The following ABCC1 variants were observed in gnomAD, a reference collection of about 807,000 sequenced individuals.
The protein encoded by ABCC1 is multidrug resistance-associated protein 1.
ABCC1 carries 83 observed loss-of-function variants against 172.9 expected under a neutral mutation model. That is an observed-to-expected ratio of 0.48 (90% CI 0.40 to 0.58). The LOEUF (loss-of-function observed/expected upper bound fraction) is 0.58. Among genes scored for constraint, ABCC1 ranks in the 20% least tolerant of loss-of-function variants. The pLI, the probability that ABCC1 is intolerant of heterozygous loss-of-function variation, is 0.00. For synonymous variants in ABCC1, 937 were observed against 825.2 expected (o/e 1.14, Z -2.32); for missense variants, 1,817 against 2,002.7 (o/e 0.91, Z 1.77).
chr16:16,072,385 A>T (rs2050382707), intron 14 of ABCC1, among the ~76,000 whole-genome samples: 3 of 151,496 alleles, frequency 2.0e-5, no homozygotes, highest in Admixed American at 1.3e-4. Flanking sequence ...GGGTTTCACC[A>T]TGTTGTCCAG....
intron 10 of ABCC1, among the ~76,000 whole-genome samples, chr16:16,052,346 T>C (rs2049464555): frequency 6.6e-6 from 1 of 151,978 alleles, no homozygotes; most frequent in Non-Finnish European, 1.5e-5. Flanking sequence ...TAGTCCCAGC[T>C]ACTTTGGAGG....
At chr16:16,109,772 T>G (rs2052306660) in intron 21 of ABCC1, among the ~76,000 whole-genome samples, 1 of 152,132 alleles carries the variant, frequency 6.6e-6, no homozygotes, top group African/African-American at 2.4e-5. Context: ...TGAAAAGAGT[T>G]GGAGGAGGCT....
chr16:16,082,593 T>G (rs1296280899), intron 16 of ABCC1, among the ~76,000 whole-genome samples: 1 of 152,216 alleles, frequency 6.6e-6, no homozygotes, highest in Non-Finnish European at 1.5e-5. Flanking sequence ...TGCTTCAATT[T>G]TTAGCAAGGA....
rs80005024 is a variant in ABCC1, at chr16:15,990,479, C to T, written c.49-17337C>T. 7.9e-3 allele frequency among the ~76,000 whole-genome samples: 1,197 copies of T among 152,212 alleles called. 10 individuals are homozygous for T. Among genetic ancestry groups the T allele is most frequent in the African/African-American group, 0.026 (1,061 of 41,536 alleles). On this transcript the variant is annotated intron_variant, in intron 1 of 30. Transcript: ENST00000399410. ...CGCTTTGACCAACACCTCCCTGTTT[C>T]CCCCACCACCAGCTCCTTGCAACTA...
intron 9 of ABCC1, 67 bp downstream of exon 9, chr16:16,046,080 T>C (rs1241846805): frequency 6.5e-7 from 1 of 1,547,270 alleles, no homozygotes. Flanking sequence ...CCTGGGTTAC[T>C]CTGGGGCCAG....
intron 3 of ABCC1, among the ~76,000 whole-genome samples, chr16:16,013,543 G>A (rs1218185827): frequency 6.8e-6 from 1 of 147,216 alleles, no homozygotes; most frequent in African/African-American, 2.5e-5. Flanking sequence ...TTACAGGCAT[G>A]AGCCACTGCA....
chr16:15,981,143 G>C lies in ABCC1; in HGVS notation c.49-26673G>C, dbSNP rs548179226. ...GCAGCTCTGCCCCTGTGGCTTTGCA[G>C]GGTACAGCCCCCATCAAGGGGCTTT... On this transcript the variant is annotated intron_variant, in intron 1 of 30. Coordinates refer to ENST00000399410, the MANE Select transcript of ABCC1 (RefSeq NM_004996.4). 1.3e-3 allele frequency among the ~76,000 whole-genome samples: 202 copies of C among 152,372 alleles called. 4 individuals are homozygous for C. Among genetic ancestry groups the C allele is most frequent in the African/African-American group, 4.7e-3 (194 of 41,582 alleles).
chr16:15,975,550 G>GT (rs1471251616), intron 1 of ABCC1, among the ~76,000 whole-genome samples: 112 of 87,668 alleles, frequency 1.3e-3, no homozygotes, highest in African/African-American at 2.7e-3. Flanking sequence ...GGTTTTTTTT[G>GT]TTTTTTTTGT....
chr16:15,969,247 G>A (rs1041059111), intron 1 of ABCC1, among the ~76,000 whole-genome samples: 2 of 152,074 alleles, frequency 1.3e-5, no homozygotes, highest in African/African-American at 4.8e-5. Flanking sequence ...TTTTGTTTGC[G>A]TGGGCTGGTG....
At chr16:16,062,635 T>C (rs2049964520) in intron 12 of ABCC1, among the ~76,000 whole-genome samples, 1 of 152,206 alleles carries the variant, frequency 6.6e-6, no homozygotes, top group Non-Finnish European at 1.5e-5. Flanking sequence ...TGGGGAGACC[T>C]TGTCCTGGCC....
intron 1 of ABCC1, among the ~76,000 whole-genome samples, chr16:15,957,321 G>A (rs919194652): frequency 6.7e-6 from 1 of 148,958 alleles, no homozygotes; most frequent in Non-Finnish European, 1.5e-5. Flanking sequence ...CCTGAACTCA[G>A]GCGATCTGCC....
At chr16:15,986,573 AC>A (rs2046749190) in intron 1 of ABCC1, among the ~76,000 whole-genome samples, 1 of 152,206 alleles carries the variant, frequency 6.6e-6, no homozygotes, top group Admixed American at 6.5e-5. Flanking sequence ...CTGAGGGGGA[AC>A]AGTTTCATCC....
At position 16,104,699 on chromosome 16, in the gene ABCC1, C is replaced by A. The variant is rs1365453992; in HGVS notation, c.2735+1982C>A. The stretch of plus-strand genomic sequence containing the variant: ...CTCAGCCCTTGGGCGGTGGAAGGGA[C>A]TGGGCGCCATGGAGCAGGGGCGGCA... On this transcript the variant is annotated intron_variant, in intron 20 of 30. Coordinates refer to ENST00000399410, the MANE Select transcript of ABCC1 (RefSeq NM_004996.4). Among the ~76,000 whole-genome samples the A allele has an allele frequency of 2.0e-5, 3 of 152,202 alleles. No individual in the cohort carries two copies. The East Asian group carries it at 5.8e-4, about 29-fold the overall frequency.
chr16:16,102,582 TG>T, intron 19 of ABCC1, 44 bp from the exon 20 acceptor site: 1 of 1,539,306 alleles, frequency 6.5e-7, no homozygotes, highest in South Asian at 1.2e-5. Flanking sequence ...TTTTAGCATC[TG>T]CCTCATATAA....
At chr16:16,032,214 C>A (rs1344801203) in intron 5 of ABCC1, among the ~76,000 whole-genome samples, 2 of 152,136 alleles carry the variant, frequency 1.3e-5, no homozygotes, top group Non-Finnish European at 2.9e-5. Context: ...TGGTCTCGAT[C>A]TCTTGACCTC....
Position 16,089,082 on chromosome 16 carries a change from C to A in ABCC1, c.2461-1323C>A, listed in dbSNP as rs571005923. On this transcript the variant is annotated intron_variant, in intron 18 of 30. Coordinates refer to ENST00000399410, the MANE Select transcript of ABCC1 (RefSeq NM_004996.4). ...TTGGTGCCATGGCAACTGTAAGATC[C>A]ATAAAGCTGAAAAGATTGACCGTTA... Among the ~76,000 whole-genome samples, 3 of 152,240 alleles carry A rather than the reference C, an allele frequency of 2.0e-5. No homozygotes were observed. The East Asian group carries it at 5.8e-4, about 29-fold the overall frequency.
Position 16,114,873 on chromosome 16 carries a change from T to G in ABCC1, c.3187T>G (p.Phe1063Val), listed in dbSNP as rs2044784417. 3 of 1,613,838 alleles carry G rather than the reference T, an allele frequency of 1.9e-6. No individual in the cohort carries two copies. The highest frequency in any genetic ancestry group is 2.7e-5 in the African/African-American group (2 of 74,920). ...LHSILRSPMSFFERTPSGNLV... is the reference protein window; with the variant it reads ...LHSILRSPMSVFERTPSGNLV... ...CAGCATCCTGCGGTCACCCATGAGC[T>G]TCTTTGAGCGGACCCCCAGTGGGAA... Residue 1063 changes from phenylalanine (F) to valine (V), a missense_variant, in exon 23 of 31, where the codon TTC becomes GTC. By Grantham distance (50) the Phe-to-Val change is conservative. Transcript: ENST00000399410.
At chr16:16,098,822 G>A (rs1031223280) in intron 19 of ABCC1, 7 of 1,342,986 alleles carry the variant, frequency 5.2e-6, no homozygotes, top group African/African-American at 3.0e-5. Context: ...GGCTTAGGGC[G>A]GGAGTTTCGC....
At chr16:16,088,354 A>G (rs1485996102) in intron 18 of ABCC1, among the ~76,000 whole-genome samples, 2 of 152,182 alleles carry the variant, frequency 1.3e-5, no homozygotes, top group Admixed American at 6.6e-5. Flanking sequence ...CTGAGGCCGG[A>G]GAATGTCTTG....
Sources: gnomAD v4.1 joint callset for allele counts (sites outside exome capture counted in the v4.1 genomes callset) on GRCh38, gnomAD v4.1.1 for gene constraint, MANE v1.5 for transcripts, NCBI Gene and HGNC (gene_info 2026-07-23, HGNC 2026-07-21) for gene names.